PLXNA4: variants seen among roughly 807,000 people sequenced by gnomAD.
PLXNA4 encodes the protein plexin-A4.
A neutral mutation model predicts 191.8 loss-of-function variants in PLXNA4; 44 were observed. The ratio of observed to expected loss-of-function variants is 0.23; its 90% CI spans 0.18 to 0.29. PLXNA4 has a LOEUF of 0.29. PLXNA4 is among the 10% of genes least tolerant of loss of function. PLXNA4 has a pLI of 1.00. For synonymous variants in PLXNA4, 1,082 were observed against 1,009.5 expected (o/e 1.07, Z -1.36); for missense variants, 1,800 against 2,488.8 (o/e 0.72, Z 5.89).
chr7:132,385,482 T>C (rs987978076), intron 3 of PLXNA4, among the ~76,000 whole-genome samples: 1 of 152,158 alleles, frequency 6.6e-6, no homozygotes. Flanking sequence ...AAGGCCACAG[T>C]TGAAGTCCAA....
At chr7:132,175,374 G>A (rs1796423054) in intron 20 of PLXNA4, among the ~76,000 whole-genome samples, 1 of 152,154 alleles carries the variant, frequency 6.6e-6, no homozygotes, top group Non-Finnish European at 1.5e-5. Flanking sequence ...AAGATGTTAA[G>A]AAAAACTGAT....
intron 3 of PLXNA4, among the ~76,000 whole-genome samples, chr7:132,397,171 T>C (rs1793802225): frequency 6.6e-6 from 1 of 152,248 alleles, no homozygotes; most frequent in Non-Finnish European, 1.5e-5. Context: ...GGAACCAGCA[T>C]GAATGAAGTT....
chr7:132,315,442 G>T (rs1190806732), intron 3 of PLXNA4, among the ~76,000 whole-genome samples: 1 of 152,168 alleles, frequency 6.6e-6, no homozygotes, highest in Non-Finnish European at 1.5e-5. Flanking sequence ...AAACTTTATT[G>T]AATTAATAAA....
chr7:132,398,281 T>C (rs923597707), intron 3 of PLXNA4, among the ~76,000 whole-genome samples: 1 of 152,254 alleles, frequency 6.6e-6, no homozygotes, highest in East Asian at 1.9e-4. Flanking sequence ...ATTTTCATTA[T>C]TGATATTCTC....
In PLXNA4 at chr7:132,369,791, G is replaced by A. The variant is rs1222961687; in HGVS notation, c.1372-71569C>T. ...AGGTATAAAAAGATGATATGCGGCC[G>A]GGCGCGGTGCCTCCTGCCTGTAATC... On this transcript the variant is annotated intron_variant, in intron 3 of 31. Coordinates refer to ENST00000321063, the MANE Select transcript of PLXNA4 (RefSeq NM_020911.2). 7.2e-5 allele frequency among the ~76,000 whole-genome samples: 11 copies of A among 151,892 alleles called. 1 individual carries two copies. The highest frequency in any genetic ancestry group is 4.2e-4 in the South Asian group (2 of 4,798).
chr7:132,139,414 C>CTCTT (rs1216660690), intron 30 of PLXNA4, among the ~76,000 whole-genome samples: 1 of 152,188 alleles, frequency 6.6e-6, no homozygotes, highest in Non-Finnish European at 1.5e-5. Context: ...ACCTTCTGGA[C>CTCTT]TCTTTTACTC....
intron 3 of PLXNA4, among the ~76,000 whole-genome samples, chr7:132,488,421 C>G (rs958270247): frequency 5.9e-5 from 9 of 152,164 alleles, no homozygotes; most frequent in African/African-American, 2.2e-4. Flanking sequence ...CACACAATGT[C>G]CAGAGAACCC....
intron 2 of PLXNA4, among the ~76,000 whole-genome samples, chr7:132,610,745 T>C (rs909624202): frequency 1.3e-5 from 2 of 152,190 alleles, no homozygotes; most frequent in Admixed American, 6.5e-5. Context: ...TTTCCATTCA[T>C]TTGCCTAAGG....
chr7:132,462,514 C>CAT (rs1419014424), intron 3 of PLXNA4, among the ~76,000 whole-genome samples: 2 of 151,474 alleles, frequency 1.3e-5, no homozygotes, highest in Admixed American at 6.6e-5. Flanking sequence ...ATAATATGTA[C>CAT]ATATATATAC....
intron 3 of PLXNA4, among the ~76,000 whole-genome samples, chr7:132,388,363 C>A (rs1399339062): frequency 6.6e-6 from 1 of 152,126 alleles, no homozygotes; most frequent in Non-Finnish European, 1.5e-5. Context: ...TGTTAAGTAT[C>A]TTGCCCAAAG....
intron 1 of PLXNA4, among the ~76,000 whole-genome samples, chr7:132,523,520 T>G (rs1799272374): frequency 6.6e-6 from 1 of 151,776 alleles, no homozygotes; most frequent in African/African-American, 2.4e-5. Context: ...GAAGGATGGG[T>G]GATGGGGTGG....
chr7:132,563,136 C>T (rs1801396164), intron 1 of PLXNA4, among the ~76,000 whole-genome samples: 1 of 103,666 alleles, frequency 9.6e-6, no homozygotes, highest in Non-Finnish European at 2.1e-5. Flanking sequence ...CCTCCTCCTC[C>T]TTCTCCTCTT....
rs77141588 is a variant in PLXNA4, at chr7:132,514,432, G to A, written c.-86-5653C>T. 2.1e-3 allele frequency among the ~76,000 whole-genome samples: 326 copies of A among 152,262 alleles called. 1 individual carries two copies. Among genetic ancestry groups the A allele is most frequent in the African/African-American group, 7.5e-3 (313 of 41,550 alleles). On this transcript the variant is annotated intron_variant, in intron 1 of 31. Coordinates refer to ENST00000321063, the MANE Select transcript of PLXNA4 (RefSeq NM_020911.2). ...ATATGTGTGATGTAACTGGGTCCCT[G>A]GGATGGTTAATTTTATTTGTCAACT...
Position 132,508,574 on chromosome 7 carries a change from A to G in PLXNA4, c.120T>C (p.Phe40=), listed in dbSNP as rs775353699. 1.9e-6 allele frequency: 3 copies of G among 1,614,126 alleles called. No homozygotes were observed. The highest frequency in any genetic ancestry group is 2.5e-6 in the Non-Finnish European group (3 of 1,179,988). Residue 40 remains phenylalanine (F), a synonymous_variant, in exon 2 of 32, where the codon TTT becomes TTC. Transcript: ENST00000321063. The surrounding 1 kb of genome is among the most constrained non-coding windows in gnomAD (Gnocchi z 4.4). ...CGGCGGGCTCTCCTCGGAATGTGAC[A>G]AATGACCGCTGCTTCTGGGACAGCG... is the stretch of plus-strand genomic sequence containing the variant. ...PAPLSQKQRS[F]VTFRGEPAEG... is the part of the protein sequence containing the mutation.
intron 2 of PLXNA4, among the ~76,000 whole-genome samples, chr7:132,589,821 A>G (rs958527771): frequency 6.6e-6 from 1 of 152,212 alleles, no homozygotes; most frequent in Non-Finnish European, 1.5e-5. Context: ...GTGGAGATAC[A>G]CTGCTAGGAA....
At chr7:132,450,822 C>T (rs892857211) in intron 3 of PLXNA4, among the ~76,000 whole-genome samples, 6 of 152,166 alleles carry the variant, frequency 3.9e-5, no homozygotes, top group African/African-American at 1.4e-4. Context: ...CACTCTGTCC[C>T]ACTATGGCCT....
At chr7:132,313,543 G>A (rs1460534607) in intron 3 of PLXNA4, among the ~76,000 whole-genome samples, 2 of 152,170 alleles carry the variant, frequency 1.3e-5, no homozygotes, top group Admixed American at 6.5e-5. Flanking sequence ...GGGTGGCCAA[G>A]GGAATGGTGG....
Position 132,182,163 on chromosome 7 carries a change from C to T in PLXNA4, c.3186G>A (p.Gly1062=). The T allele has an allele frequency of 6.2e-7, 1 of 1,614,076 alleles. No individual in the cohort carries two copies. The highest frequency in any genetic ancestry group is 8.5e-7 in the Non-Finnish European group (1 of 1,180,022). ...VSGNTPIAVW[G]THLDLIQNPQ... Reference sequence around the variant, plus strand: ...GGTTCTGTATGAGGTCCAGGTGGGTCCCCCATACGGCGATGGGTGTGTTTC... The same window carrying T: ...GGTTCTGTATGAGGTCCAGGTGGGTTCCCCATACGGCGATGGGTGTGTTTC... Residue 1062 remains glycine, a synonymous_variant, in exon 17 of 32, where the codon GGG becomes GGA. Coordinates refer to ENST00000321063, the MANE Select transcript of PLXNA4 (RefSeq NM_020911.2).
intron 2 of PLXNA4, among the ~76,000 whole-genome samples, chr7:132,637,804 A>G (rs6966705): frequency 0.36 from 53,995 of 152,040 alleles, 10,235 homozygotes; most frequent in Non-Finnish European, 0.42. Flanking sequence ...CCCATCTCCT[A>G]TGGGCTGACT....
Sources: allele counts gnomAD v4.1 joint callset (sites outside exome capture counted in the v4.1 genomes callset), GRCh38; gene constraint gnomAD v4.1.1; non-coding constraint Gnocchi (gnomAD v3.1); transcripts MANE v1.5; gene names NCBI Gene and HGNC (gene_info 2026-07-23, HGNC 2026-07-21).